MAPK10: variants seen among roughly 807,000 people sequenced by gnomAD.
The protein encoded by MAPK10 is mitogen-activated protein kinase 10.
In MAPK10, 25 loss-of-function variants were observed where a neutral mutation model predicts 59.3. The observed-to-expected ratio is 0.42, with a 90% CI of 0.31 to 0.59. The LOEUF is 0.59. Ranked by LOEUF, MAPK10 falls within the 20% of genes least tolerant of loss-of-function variation. The pLI, the probability that MAPK10 is intolerant of heterozygous loss-of-function variation, is 0.15. For synonymous variants in MAPK10, 190 were observed against 200.5 expected, an observed-to-expected ratio of 0.95 and a Z score of 0.44; for missense variants, 351 against 568.9, an observed-to-expected ratio of 0.62 and a Z score of 3.90.
intron 1 of MAPK10, among the ~76,000 whole-genome samples, chr4:86,407,389 C>T (rs113811192): frequency 1.9e-4 from 29 of 152,218 alleles, no homozygotes; most frequent in African/African-American, 6.5e-4. Flanking sequence ...AGAGGCATTT[C>T]TCCATACTTA....
chr4:86,457,840 C>G (rs1477395215), upstream of MAPK10: 6 of 152,070 alleles, frequency 3.9e-5, no homozygotes, highest in African/African-American at 1.4e-4. Flanking sequence ...AAAAAAGAGC[C>G]TACATAGCCA....
intron 2 of MAPK10, among the ~76,000 whole-genome samples, chr4:86,200,668 G>A (rs935631997): frequency 2.1e-5 from 3 of 145,524 alleles, no homozygotes; most frequent in African/African-American, 5.5e-5. Context: ...AATGCGTAGA[G>A]AAGAAATTAT....
intron 1 of MAPK10, among the ~76,000 whole-genome samples, chr4:86,540,829 G>A (rs998538367): frequency 2.6e-5 from 4 of 152,016 alleles, no homozygotes; most frequent in African/African-American, 4.8e-5. Flanking sequence ...TGGGGTAGGC[G>A]TGGTGGCTCA....
In MAPK10 at chr4:86,546,652, A is replaced by C. The variant is rs182380884; in HGVS notation, c.-263+47258T>G. On this transcript the variant is annotated intron_variant, in intron 1 of 4. Coordinates refer to the MAPK10 transcript ENST00000502302. ...CTGAGTATAGGTCCTATGTGACTGC[A>C]CAAGTCATATGCCCATGAGGCCAGC... Among the ~76,000 whole-genome samples the C allele has an allele frequency of 4.1e-3, 627 of 152,268 alleles. 8 individuals are homozygous for C. Among genetic ancestry groups the C allele is most frequent in the Non-Finnish European group, 3.6e-3 (244 of 68,018 alleles).
intron 1 of MAPK10, among the ~76,000 whole-genome samples, chr4:86,418,953 A>G (rs1330087923): frequency 6.6e-6 from 1 of 152,210 alleles, no homozygotes; most frequent in Non-Finnish European, 1.5e-5. Context: ...GAGCTAAGCT[A>G]TGAGGATGCA....
intron 9 of MAPK10, among the ~76,000 whole-genome samples, chr4:86,087,774 ATATG>A (rs2052216228): frequency 6.6e-6 from 1 of 152,130 alleles, no homozygotes; most frequent in Non-Finnish European, 1.5e-5. Flanking sequence ...TAGAGAGAAT[ATATG>A]TATGAAGCCA....
At chr4:86,076,477 C>G (rs2049498699) in intron 9 of MAPK10, among the ~76,000 whole-genome samples, 1 of 152,208 alleles carries the variant, frequency 6.6e-6, no homozygotes, top group South Asian at 2.1e-4. Context: ...GAACTCCTAT[C>G]TCCTGTTTCC....
At chr4:86,103,510 T>C (rs1387604921) in intron 5 of MAPK10, among the ~76,000 whole-genome samples, 1 of 152,108 alleles carries the variant, frequency 6.6e-6, no homozygotes, top group East Asian at 1.9e-4. Context: ...ATTGTTACAC[T>C]GCTTTCAAGT....
intron 3 of MAPK10, among the ~76,000 whole-genome samples, chr4:86,173,069 T>C (rs2074746706): frequency 6.6e-6 from 1 of 152,118 alleles, no homozygotes; most frequent in African/African-American, 2.4e-5. Context: ...TTCAATGCTA[T>C]TCCCATCAAA....
intron 13 of MAPK10, chr4:86,024,931 G>C (rs1749422066): frequency 6.6e-6 from 1 of 152,144 alleles, no homozygotes; most frequent in South Asian, 2.1e-4. Flanking sequence ...GGGATCCATA[G>C]ACTATTGCTT....
At chr4:86,176,671 CAG>C (rs2075753255) in intron 3 of MAPK10, among the ~76,000 whole-genome samples, 2 of 151,926 alleles carry the variant, frequency 1.3e-5, no homozygotes, top group Non-Finnish European at 2.9e-5. Flanking sequence ...GCATATAAAA[CAG>C]AAGCATAGCA....
At chr4:86,256,903 C>G (rs1299265923) in intron 2 of MAPK10, among the ~76,000 whole-genome samples, 1 of 108,996 alleles carries the variant, frequency 9.2e-6, no homozygotes, top group South Asian at 2.6e-4. Context: ...ATTGCGCCCG[C>G]CATTGCGCCC....
intron 1 of MAPK10, among the ~76,000 whole-genome samples, chr4:86,398,323 G>A (rs1215657125): frequency 6.6e-6 from 1 of 151,940 alleles, no homozygotes; most frequent in African/African-American, 2.4e-5. Context: ...CTACTTTCAG[G>A]GTTCTAAGGG....
At chr4:86,238,969 A>G (rs935611459) in intron 2 of MAPK10, among the ~76,000 whole-genome samples, 7 of 152,130 alleles carry the variant, frequency 4.6e-5, no homozygotes, top group African/African-American at 1.7e-4. Flanking sequence ...TCAGTATGAT[A>G]TTGGCTATGG....
At chr4:86,263,753 A>G (rs2094115019) in intron 2 of MAPK10, among the ~76,000 whole-genome samples, 1 of 152,238 alleles carries the variant, frequency 6.6e-6, no homozygotes, top group Non-Finnish European at 1.5e-5. Context: ...TAGGAAGAAC[A>G]AGACCTATCT....
chr4:86,364,863 C>T (rs1327936698), upstream of MAPK10, among the ~76,000 whole-genome samples: 1 of 151,912 alleles, frequency 6.6e-6, no homozygotes, highest in African/African-American at 2.4e-5. Context: ...GCTTATAATC[C>T]CAGCTAATTG....
intron 2 of MAPK10, among the ~76,000 whole-genome samples, chr4:86,223,346 T>C (rs1253391679): frequency 6.6e-6 from 1 of 152,082 alleles, no homozygotes; most frequent in African/African-American, 2.4e-5. Flanking sequence ...AACATCTGGA[T>C]CACCTATAAT....
At chr4:86,580,858 C>T (rs1762214592) in intron 1 of MAPK10, among the ~76,000 whole-genome samples, 1 of 152,110 alleles carries the variant, frequency 6.6e-6, no homozygotes, top group African/African-American at 2.4e-5. Flanking sequence ...CACATGACAA[C>T]TGTACACCAA....
chr4:86,481,831 A>T (rs1166799430), intron 1 of MAPK10, among the ~76,000 whole-genome samples: 2 of 152,186 alleles, frequency 1.3e-5, no homozygotes, highest in African/African-American at 4.8e-5. Context: ...TCTGACAAGC[A>T]AAACAATGCA....
Sources: allele counts gnomAD v4.1 joint callset (sites outside exome capture counted in the v4.1 genomes callset), GRCh38; gene constraint gnomAD v4.1.1; transcripts MANE v1.5; gene names NCBI Gene and HGNC (gene_info 2026-07-23, HGNC 2026-07-21).